Variants in ATF7IP2 observed in about 807,000 individuals in gnomAD.
The protein encoded by ATF7IP2 is activating transcription factor 7-interacting protein 2.
In ATF7IP2, 42 loss-of-function variants were observed where a neutral mutation model predicts 64.2. The observed-to-expected ratio is 0.65, with a 90% CI of 0.51 to 0.85. ATF7IP2 has a LOEUF of 0.85. Ranked by LOEUF, ATF7IP2 falls within the 40% of genes least tolerant of loss-of-function variation. The pLI, the probability that ATF7IP2 is intolerant of heterozygous loss-of-function variation, is 0.00. For synonymous variants in ATF7IP2, 308 were observed against 272.8 expected, an observed-to-expected ratio of 1.13 and a Z score of -1.27; for missense variants, 933 against 784.2, an observed-to-expected ratio of 1.19 and a Z score of -2.27.
intron 3 of ATF7IP2, among the ~76,000 whole-genome samples, chr16:10,422,731 G>C (rs889434765): frequency 6.6e-6 from 1 of 152,122 alleles, no homozygotes; most frequent in Admixed American, 6.5e-5. Context: ...TCAGTAATTT[G>C]ATTCCCCCAA....
At chr16:10,461,595 CATATG>C (rs750595944) in intron 9 of ATF7IP2, among the ~76,000 whole-genome samples, 35 of 152,190 alleles carry the variant, frequency 2.3e-4, no homozygotes, top group Non-Finnish European at 3.4e-4. Flanking sequence ...ACAAAAGACT[CATATG>C]ATTCCATTTA....
At chr16:10,480,794 AC>A in intron 12 of ATF7IP2, 84 bp from the exon 13 acceptor site, 2 of 896,574 alleles carry the variant, frequency 2.2e-6, no homozygotes. Context: ...TTTAATTACC[AC>A]CAAAGATGTA....
intron 1 of ATF7IP2, among the ~76,000 whole-genome samples, chr16:10,397,155 C>G (rs2047436350): frequency 6.6e-6 from 1 of 152,134 alleles, no homozygotes; most frequent in East Asian, 1.9e-4. Flanking sequence ...GATTTTATTT[C>G]TGAGTTCTCT....
chr16:10,419,220 G>A (rs1256185340), intron 2 of ATF7IP2, among the ~76,000 whole-genome samples: 1 of 152,148 alleles, frequency 6.6e-6, no homozygotes, highest in African/African-American at 2.4e-5. Context: ...TTACATCCAG[G>A]CATTATTGCC....
chr16:10,457,638 C>A, intron 9 of ATF7IP2, 109 bp downstream of exon 9: 1 of 846,102 alleles, frequency 1.2e-6, no homozygotes, highest in East Asian at 3.0e-5. Flanking sequence ...AACATTCACT[C>A]TTAAAATGTC....
At chr16:10,388,413 T>G (rs1377889025) in intron 1 of ATF7IP2, among the ~76,000 whole-genome samples, 1 of 152,228 alleles carries the variant, frequency 6.6e-6, no homozygotes. Context: ...AAGTTAGCCA[T>G]GAATTATTTA....
intron 9 of ATF7IP2, among the ~76,000 whole-genome samples, chr16:10,462,201 T>C (rs2049396256): frequency 6.6e-6 from 1 of 152,100 alleles, no homozygotes; most frequent in Admixed American, 6.5e-5. Flanking sequence ...ATCTTATGTG[T>C]TTTTGTGCGT....
At chr16:10,411,257 T>C (rs887930311) in intron 1 of ATF7IP2, among the ~76,000 whole-genome samples, 2 of 152,180 alleles carry the variant, frequency 1.3e-5, no homozygotes, top group African/African-American at 4.8e-5. Context: ...TCCCTCTTTC[T>C]CTATCTTTTG....
rs994342268 is a variant in ATF7IP2, at chr16:10,482,833, T to C, written c.*584T>C. ...CCCTGGTTCAAGCAATTCTCCTATG[T>C]CAGCCTCCCAAGTAGCTGGGACTAT... is the stretch of plus-strand genomic sequence containing the variant. On this transcript the variant is annotated 3_prime_UTR_variant, in exon 14 of 14. Coordinates refer to ENST00000562102, the MANE Select transcript of ATF7IP2 (RefSeq NM_001393719.1). 3.3e-5 allele frequency: 5 copies of C among 152,282 alleles called. No individual in the cohort carries two copies. Among genetic ancestry groups the C allele is most frequent in the Non-Finnish European group, 7.3e-5 (5 of 68,080 alleles). The allele number at this position is 152,282 out of a possible 1,614,324, so 9.4% of individuals were successfully genotyped here.
chr16:10,413,979 G>A (rs558377189), intron 1 of ATF7IP2, among the ~76,000 whole-genome samples: 132 of 152,244 alleles, frequency 8.7e-4, no homozygotes, highest in Middle Eastern at 3.4e-3. Context: ...TTCCTTTATA[G>A]ATTACCTGGT....
intron 1 of ATF7IP2, among the ~76,000 whole-genome samples, chr16:10,394,402 A>G (rs533611471): frequency 3.3e-5 from 5 of 152,354 alleles, no homozygotes; most frequent in African/African-American, 7.2e-5. Context: ...TATTGACAGA[A>G]TTGAAGGAAG....
intron 1 of ATF7IP2, among the ~76,000 whole-genome samples, chr16:10,414,154 T>G (rs552309768): frequency 1.8e-4 from 28 of 152,340 alleles, no homozygotes; most frequent in African/African-American, 6.7e-4. Context: ...GAAGTTTTCC[T>G]TGACTATTCT....
At chr16:10,398,724 CATTT>C (rs1325619977) in intron 1 of ATF7IP2, among the ~76,000 whole-genome samples, 1 of 151,950 alleles carries the variant, frequency 6.6e-6, no homozygotes, top group Non-Finnish European at 1.5e-5. Context: ...ATCTAAGACT[CATTT>C]AAGGAAGGAG....
intron 3 of ATF7IP2, among the ~76,000 whole-genome samples, chr16:10,424,125 G>C (rs1490033153): frequency 6.6e-6 from 1 of 152,256 alleles, no homozygotes; most frequent in Non-Finnish European, 1.5e-5. Flanking sequence ...TTAAGGCACA[G>C]ATCACTCATG....
chr16:10,406,754 C>T (rs1003073779), intron 1 of ATF7IP2, among the ~76,000 whole-genome samples: 1 of 152,054 alleles, frequency 6.6e-6, no homozygotes, highest in Non-Finnish European at 1.5e-5. Flanking sequence ...AAAGTAATGA[C>T]ATAAAAGCCG....
chr16:10,472,424 T>C (rs1292824987), intron 10 of ATF7IP2, among the ~76,000 whole-genome samples: 1 of 152,222 alleles, frequency 6.6e-6, no homozygotes, highest in African/African-American at 2.4e-5. Flanking sequence ...TTTATGTGTT[T>C]AATGACTTTA....
At chr16:10,418,080 C>G (rs561460953) in intron 2 of ATF7IP2, among the ~76,000 whole-genome samples, 7 of 152,234 alleles carry the variant, frequency 4.6e-5, no homozygotes, top group African/African-American at 1.4e-4. Context: ...AGAGTTTTAC[C>G]CACATATTCA....
At chr16:10,477,091 C>T (rs566723736) in intron 12 of ATF7IP2, among the ~76,000 whole-genome samples, 35 of 152,164 alleles carry the variant, frequency 2.3e-4, no homozygotes, top group African/African-American at 8.4e-4. Context: ...AAGCAAAAAT[C>T]TACAAATGGG....
At chr16:10,431,954 G>A (rs1036922437) in intron 5 of ATF7IP2, among the ~76,000 whole-genome samples, 1 of 150,684 alleles carries the variant, frequency 6.6e-6, no homozygotes, top group Non-Finnish European at 1.5e-5. Flanking sequence ...CTCCTGAGTA[G>A]GTGGGATTAC....
Sources: gnomAD v4.1 joint callset for allele counts (sites outside exome capture counted in the v4.1 genomes callset) on GRCh38, gnomAD v4.1.1 for gene constraint, MANE v1.5 for transcripts, NCBI Gene and HGNC (gene_info 2026-07-23, HGNC 2026-07-21) for gene names.